NAV2: variants seen among roughly 807,000 people sequenced by gnomAD.
The protein encoded by NAV2 is helicase, APC down-regulated 1.
A neutral mutation model predicts 223.2 loss-of-function variants in NAV2; 54 were observed. That is an observed-to-expected ratio of 0.24 (90% CI 0.19 to 0.30). The LOEUF (loss-of-function observed/expected upper bound fraction) is 0.30, where lower values mean the gene tolerates loss of function less well. Ranked by LOEUF, NAV2 falls within the 10% of genes least tolerant of loss-of-function variation. NAV2 has a pLI of 1.00. For synonymous variants in NAV2, 1,279 were observed against 1,239.3 expected, an observed-to-expected ratio of 1.03 and a Z score of -0.67; for missense variants, 2,806 against 3,147.5, an observed-to-expected ratio of 0.89 and a Z score of 2.60.
At chr11:19,669,967 T>C (rs1188371741) in intron 1 of NAV2, among the ~76,000 whole-genome samples, 2 of 152,118 alleles carry the variant, frequency 1.3e-5, no homozygotes, top group African/African-American at 4.8e-5. Flanking sequence ...CACATCAACA[T>C]ACTCAGGAAA....
intron 1 of NAV2, among the ~76,000 whole-genome samples, chr11:19,365,038 C>A (rs112001042): frequency 2.0e-5 from 3 of 152,124 alleles, no homozygotes; most frequent in African/African-American, 7.2e-5. Flanking sequence ...AAAGAATGAG[C>A]GACAAATGAT....
intron 1 of NAV2, among the ~76,000 whole-genome samples, chr11:19,383,458 T>C (rs1288345452): frequency 1.3e-5 from 2 of 152,222 alleles, no homozygotes; most frequent in Non-Finnish European, 2.9e-5. Context: ...GTTATTTACA[T>C]TGTTATAGCA....
chr11:19,347,684 A>C (rs998433938), upstream of NAV2, among the ~76,000 whole-genome samples: 1 of 152,050 alleles, frequency 6.6e-6, no homozygotes, highest in African/African-American at 2.4e-5. Context: ...CTCAGTTCTG[A>C]CTTATGACAC....
At chr11:19,851,400 T>A (rs1313161540) in intron 3 of NAV2, among the ~76,000 whole-genome samples, 2 of 152,204 alleles carry the variant, frequency 1.3e-5, no homozygotes, top group Non-Finnish European at 2.9e-5. Context: ...GGATGAGACA[T>A]TCTGTTTTGG....
chr11:19,451,645 T>A (rs939258337), intron 1 of NAV2, among the ~76,000 whole-genome samples: 1 of 152,176 alleles, frequency 6.6e-6, no homozygotes, highest in Non-Finnish European at 1.5e-5. Flanking sequence ...GGAGGACAAG[T>A]CACAGTGAGA....
intron 3 of NAV2, among the ~76,000 whole-genome samples, chr11:19,846,258 A>T (rs2060802719): frequency 6.6e-6 from 1 of 152,140 alleles, no homozygotes; most frequent in Non-Finnish European, 1.5e-5. Context: ...TCATCCATTG[A>T]TTGTACCAAA....
intron 19 of NAV2, among the ~76,000 whole-genome samples, chr11:20,057,821 T>A (rs931267102): frequency 2.0e-5 from 3 of 152,320 alleles, no homozygotes; most frequent in Admixed American, 6.5e-5. Context: ...CCATCTGGAA[T>A]CAAGCTGGCA....
chr11:20,008,153 G>A (rs1415733859), intron 11 of NAV2, among the ~76,000 whole-genome samples: 1 of 152,150 alleles, frequency 6.6e-6, no homozygotes, highest in African/African-American at 2.4e-5. Context: ...GATCACCTGA[G>A]GTCAGGAGTT....
At position 20,048,810 on chromosome 11, in the gene NAV2, C is replaced by T. The variant is rs2057711338; in HGVS notation, c.3985C>T (p.His1329Tyr). 6.2e-7 allele frequency: 1 copy of T among 1,613,974 alleles called. No individual in the cohort carries two copies. Among genetic ancestry groups the T allele is most frequent in the African/African-American group, 1.3e-5 (1 of 74,882 alleles). ...MKNSVVISNP[H>Y]ATMTQQGNLD... Reference sequence around the variant, plus strand: ...AAATTCGGTGGTCATCTCCAATCCTCATGCCACCATGACTCAGCAAGGTAA... The same window carrying T: ...AAATTCGGTGGTCATCTCCAATCCTTATGCCACCATGACTCAGCAAGGTAA... The change falls in exon 15 of 38, where the codon CAT (histidine) becomes TAT (tyrosine). Residue 1329 changes from histidine (H) to tyrosine (Y), a missense_variant. Physicochemically the swap from His to Tyr is moderately conservative, Grantham distance 83. This residue lies in a region of NAV2 where 742 missense variants were observed against 777.9 expected (regional missense o/e 0.95). Coordinates refer to ENST00000349880, the MANE Select transcript of NAV2 (RefSeq NM_145117.5).
At chr11:20,082,556 C>T (rs2060156434) in intron 25 of NAV2, 3 of 1,613,196 alleles carry the variant, frequency 1.9e-6, no homozygotes, top group Non-Finnish European at 1.7e-6. Flanking sequence ...TTTTTTCCTC[C>T]CCCTTCCCCA....
chr11:19,869,347 C>A (rs1484728734), intron 4 of NAV2, among the ~76,000 whole-genome samples: 1 of 152,202 alleles, frequency 6.6e-6, no homozygotes, highest in African/African-American at 2.4e-5. Context: ...CATGCTTCAC[C>A]ACAGAGCATA....
chr11:20,069,357 A>C (rs1399047933), intron 22 of NAV2, among the ~76,000 whole-genome samples: 1 of 152,116 alleles, frequency 6.6e-6, no homozygotes, highest in Non-Finnish European at 1.5e-5. Flanking sequence ...AGGGAGGAAG[A>C]AGGCAGCGAA....
Position 20,051,335 on chromosome 11 carries a change from T to G in NAV2, c.4481+2T>G. Reference sequence around the variant, plus strand: ...CACTTTGCCTAAGAAAGGACTCAGGTATCTGTGTTTCCTCCTTGCATCTGT... The same window carrying G: ...CACTTTGCCTAAGAAAGGACTCAGGGATCTGTGTTTCCTCCTTGCATCTGT... On this transcript the variant is annotated splice_donor_variant, in intron 17 of 37. Coordinates refer to ENST00000349880, the MANE Select transcript of NAV2 (RefSeq NM_145117.5). LOFTEE classifies it high-confidence loss of function. The G allele has an allele frequency of 6.2e-7, 1 of 1,613,912 alleles. No individual in the cohort carries two copies. The highest frequency in any genetic ancestry group is 8.5e-7 in the Non-Finnish European group (1 of 1,179,792).
At chr11:19,936,005 G>T (rs189378962) in intron 7 of NAV2, among the ~76,000 whole-genome samples, 2 of 149,994 alleles carry the variant, frequency 1.3e-5, no homozygotes, top group East Asian at 3.9e-4. Flanking sequence ...GACTACAGGT[G>T]CATGCCGCCA....
rs368672559 is a variant in NAV2 at position 19,933,312 on chromosome 11, G to A, written c.1068G>A (p.Lys356=). 1 of 1,613,502 alleles carries A rather than the reference G, an allele frequency of 6.2e-7. No individual in the cohort carries two copies. Among genetic ancestry groups the A allele is most frequent in the Non-Finnish European group, 8.5e-7 (1 of 1,179,696 alleles). ...SAIPQPGAAT[K]PWRSKSLSVK... Reference sequence around the variant, plus strand: ...TCCCGCAGCCCGGTGCAGCCACCAAGCCTTGGCGCAGCAAATCCCTCAGCG... The same window carrying A: ...TCCCGCAGCCCGGTGCAGCCACCAAACCTTGGCGCAGCAAATCCCTCAGCG... Residue 356 remains lysine (K), a synonymous_variant, in exon 7 of 38, where the codon AAG becomes AAA. Coordinates refer to ENST00000349880, the MANE Select transcript of NAV2 (RefSeq NM_145117.5). The surrounding 1 kb of genome is among the most constrained non-coding windows in gnomAD (Gnocchi z 4.3).
intron 10 of NAV2, among the ~76,000 whole-genome samples, chr11:19,982,957 A>G (rs1465373483): frequency 6.6e-6 from 1 of 152,170 alleles, no homozygotes. Flanking sequence ...AGCTCAGCTG[A>G]CCCTGTTTCA....
intron 1 of NAV2, among the ~76,000 whole-genome samples, chr11:19,375,157 C>T (rs926754030): frequency 5.3e-5 from 8 of 152,202 alleles, no homozygotes; most frequent in African/African-American, 1.9e-4. Flanking sequence ...ACTCATTTGT[C>T]CAACTTATTG....
chr11:19,517,884 A>T (rs1439196687), intron 1 of NAV2, among the ~76,000 whole-genome samples: 1 of 152,266 alleles, frequency 6.6e-6, no homozygotes, highest in East Asian at 1.9e-4. Context: ...AGCATTGGGG[A>T]ACAACTTTGC....
At chr11:19,939,863 C>T (rs1240349868) in intron 8 of NAV2, 90 bp downstream of exon 8, 1 of 783,970 alleles carries the variant, frequency 1.3e-6, no homozygotes, top group East Asian at 2.9e-5. Flanking sequence ...AGCTTGATTA[C>T]GAGTTGCATT....
Sources: gnomAD v4.1 joint callset for allele counts (sites outside exome capture counted in the v4.1 genomes callset) on GRCh38, gnomAD v4.1.1 for gene constraint, gnomAD v4.1.1 regional missense constraint, Gnocchi (gnomAD v3.1) non-coding constraint, MANE v1.5 for transcripts, NCBI Gene and HGNC (gene_info 2026-07-23, HGNC 2026-07-21) for gene names.